Variants in NRXN1 observed in about 807,000 individuals in gnomAD.
NRXN1 encodes the protein neurexin-1.
A neutral mutation model predicts 150.9 loss-of-function variants in NRXN1; 39 were observed. That is an observed-to-expected ratio of 0.26 (90% confidence interval 0.20 to 0.34). NRXN1 has a LOEUF of 0.34. NRXN1 is among the 10% of genes least tolerant of loss of function. NRXN1 has a pLI of 1.00. For missense variants in NRXN1, 1,815 were observed against 1,949.9 expected, an observed-to-expected ratio of 0.93 and a Z score of 1.30; for synonymous variants, 924 against 757.0, an observed-to-expected ratio of 1.22 and a Z score of -3.62.
intron 17 of NRXN1, among the ~76,000 whole-genome samples, chr2:50,414,540 T>C (rs2083407605): frequency 6.6e-6 from 1 of 151,950 alleles, no homozygotes; most frequent in Non-Finnish European, 1.5e-5. Flanking sequence ...AAACAAGATA[T>C]AAAATACATG....
chr2:50,325,913 G>C (rs1183472857), intron 17 of NRXN1, among the ~76,000 whole-genome samples: 1 of 152,064 alleles, frequency 6.6e-6, no homozygotes, highest in African/African-American at 2.4e-5. Flanking sequence ...CTAATCTGTA[G>C]AGCCTAACAA....
chr2:50,412,763 C>CT (rs922358630), intron 17 of NRXN1, among the ~76,000 whole-genome samples: 14 of 151,840 alleles, frequency 9.2e-5, no homozygotes, highest in African/African-American at 3.1e-4. Flanking sequence ...ACAGACATAC[C>CT]TTTTTTCCAC....
At chr2:50,778,427 T>C (rs943229835) in intron 5 of NRXN1, among the ~76,000 whole-genome samples, 3 of 152,184 alleles carry the variant, frequency 2.0e-5, no homozygotes, top group Non-Finnish European at 4.4e-5. Context: ...AAGAGTGCTA[T>C]CTAACTTCAA....
chr2:50,037,323 A>T (rs370883366), intron 21 of NRXN1, among the ~76,000 whole-genome samples: 26 of 151,864 alleles, frequency 1.7e-4, no homozygotes, highest in Non-Finnish European at 2.9e-4. Flanking sequence ...TTATAAAAAA[A>T]ATTTTTGAAG....
intron 17 of NRXN1, among the ~76,000 whole-genome samples, chr2:50,429,631 C>G (rs1419504048): frequency 6.6e-6 from 1 of 152,072 alleles, no homozygotes; most frequent in African/African-American, 2.4e-5. Flanking sequence ...GTAACTCACA[C>G]AAAATCTTTC....
chr2:51,031,173 C>G (rs1041178004), intron 1 of NRXN1, among the ~76,000 whole-genome samples: 1 of 152,058 alleles, frequency 6.6e-6, no homozygotes, highest in Non-Finnish European at 1.5e-5. Context: ...AGGATTCTCT[C>G]TAGGTGCCAG....
intron 18 of NRXN1, 49 bp from the exon 19 acceptor site, chr2:50,091,543 C>T: frequency 6.4e-7 from 1 of 1,572,040 alleles, no homozygotes; most frequent in Non-Finnish European, 8.7e-7. Context: ...GACTAGTCAC[C>T]ATTTAATAAA....
At chr2:50,699,742 G>A (rs1559140734) in intron 5 of NRXN1, among the ~76,000 whole-genome samples, 1 of 152,066 alleles carries the variant, frequency 6.6e-6, no homozygotes, top group Admixed American at 6.5e-5. Context: ...CCTTGCCTTT[G>A]GCCCAAGCAG....
chr2:50,555,955 A>T (rs1214448825), intron 8 of NRXN1, among the ~76,000 whole-genome samples: 1 of 152,196 alleles, frequency 6.6e-6, no homozygotes, highest in Non-Finnish European at 1.5e-5. Flanking sequence ...ACAAAAATAT[A>T]CACTGTGCTT....
At chr2:50,330,310 A>G (rs1453639001) in intron 17 of NRXN1, among the ~76,000 whole-genome samples, 1 of 152,200 alleles carries the variant, frequency 6.6e-6, no homozygotes, top group Non-Finnish European at 1.5e-5. Context: ...AATCTTCTAT[A>G]GCGATAATTA....
intron 17 of NRXN1, among the ~76,000 whole-genome samples, chr2:50,328,376 T>C (rs969911483): frequency 2.0e-5 from 3 of 152,098 alleles, no homozygotes; most frequent in Non-Finnish European, 2.9e-5. Flanking sequence ...ACAGAAGAGA[T>C]GAATGACTTA....
At chr2:50,920,091 C>A in intron 5 of NRXN1, 1 of 250,674 alleles carries the variant, frequency 4.0e-6, no homozygotes. Flanking sequence ...ATGTGATTTG[C>A]AAAATACTCA....
chr2:50,221,772 A>C (rs2063909033), intron 18 of NRXN1, among the ~76,000 whole-genome samples: 1 of 152,018 alleles, frequency 6.6e-6, no homozygotes, highest in Non-Finnish European at 1.5e-5. Context: ...GCTATTAGCA[A>C]ATGCCACAGA....
rs550409030 is a variant in NRXN1 at position 50,355,167 on chromosome 2, A to C, written c.3364+110275T>G. On this transcript the variant is annotated intron_variant, in intron 17 of 22. Coordinates refer to ENST00000401669, the MANE Select transcript of NRXN1 (RefSeq NM_001330078.2). ...TGAATGCACTGAGAGGAACTTAATC[A>C]TGCGATTCAAATTGAGTCTCTATCT... 9.2e-5 allele frequency among the ~76,000 whole-genome samples: 14 copies of C among 151,644 alleles called. No homozygotes were observed. The South Asian group carries it at 2.9e-3, about 32-fold the overall frequency.
chr2:50,160,517 G>A (rs1017385920), intron 18 of NRXN1, among the ~76,000 whole-genome samples: 1 of 151,842 alleles, frequency 6.6e-6, no homozygotes, highest in South Asian at 2.1e-4. Context: ...CTCCAGTCTG[G>A]GCAACAAGAG....
chr2:50,279,830 G>C (rs1003183870), intron 17 of NRXN1, among the ~76,000 whole-genome samples: 1 of 152,108 alleles, frequency 6.6e-6, no homozygotes, highest in Admixed American at 6.6e-5. Context: ...AAAAGTTGAA[G>C]TAAATATAGG....
chr2:50,175,584 T>C (rs1262850248), intron 18 of NRXN1, among the ~76,000 whole-genome samples: 1 of 151,952 alleles, frequency 6.6e-6, no homozygotes, highest in Non-Finnish European at 1.5e-5. Flanking sequence ...TATATGTGGA[T>C]AGAATATACA....
At chr2:49,983,760 T>A (rs1413040497) in intron 21 of NRXN1, among the ~76,000 whole-genome samples, 3 of 152,218 alleles carry the variant, frequency 2.0e-5, no homozygotes, top group Non-Finnish European at 4.4e-5. Flanking sequence ...ATAAATGTTT[T>A]AAAATAACTG....
Position 50,990,946 on chromosome 2 carries a change from G to T in NRXN1, c.772+36556C>A, listed in dbSNP as rs575019467. 5.1e-4 allele frequency among the ~76,000 whole-genome samples: 77 copies of T among 152,016 alleles called. 1 individual carries two copies. Among genetic ancestry groups the T allele is most frequent in the South Asian group, 1.0e-3 (5 of 4,832 alleles). ...ACAAGCACTTTGGGAGCATCCAATA[G>T]ACCTGGGCCTATGTTCTGGATCTGA... On this transcript the variant is annotated intron_variant, in intron 2 of 22. Transcript: ENST00000401669.
Sources: gnomAD v4.1 joint callset for allele counts (sites outside exome capture counted in the v4.1 genomes callset) on GRCh38, gnomAD v4.1.1 for gene constraint, MANE v1.5 for transcripts, NCBI Gene and HGNC (gene_info 2026-07-23, HGNC 2026-07-21) for gene names.